ITGBL1: variants seen among roughly 807,000 people sequenced by gnomAD.
ITGBL1 encodes the protein integrin beta-like protein 1.
A neutral mutation model predicts 68.5 loss-of-function variants in ITGBL1; 51 were observed. That is an observed-to-expected ratio of 0.74 (90% CI 0.59 to 0.94). ITGBL1 has a LOEUF of 0.94. ITGBL1 is among the 40% of genes least tolerant of loss of function. ITGBL1 has a pLI of 0.00. For synonymous variants in ITGBL1, 209 were observed against 227.3 expected (o/e 0.92, Z 0.72); for missense variants, 649 against 647.4 (o/e 1.00, Z -0.03).
At chr13:101,521,815 T>G (rs988508875) in intron 2 of ITGBL1, among the ~76,000 whole-genome samples, 2 of 152,142 alleles carry the variant, frequency 1.3e-5, no homozygotes, top group Non-Finnish European at 2.9e-5. Context: ...TTCTTTCTTT[T>G]TCCTTACCTT....
intron 7 of ITGBL1, among the ~76,000 whole-genome samples, chr13:101,613,855 C>T (rs967389632): frequency 7.9e-5 from 12 of 152,168 alleles, no homozygotes; most frequent in African/African-American, 2.7e-4. Context: ...CACATGAAGA[C>T]TCACCACTCT....
chr13:101,531,603 AT>A (rs72456823), intron 2 of ITGBL1, among the ~76,000 whole-genome samples: 3 of 107,064 alleles, frequency 2.8e-5, no homozygotes, highest in South Asian at 3.7e-4. Context: ...TTCATAGCGT[AT>A]TTTTTGGGGG....
In ITGBL1 at chr13:101,595,960, G is replaced by A. The variant is rs2029938125; in HGVS notation, c.869-2193G>A. On this transcript the variant is annotated intron_variant, in intron 6 of 10. Transcript: ENST00000376180. The stretch of plus-strand genomic sequence containing the variant: ...CACAAGTGTCTGTTGTAAGATGAAT[G>A]GGTAAAGAAAATGTGAGATATATAT... 1.3e-5 allele frequency among the ~76,000 whole-genome samples: 2 copies of A among 151,986 alleles called. 1 individual carries two copies. The highest frequency in any genetic ancestry group is 4.1e-4 in the South Asian group (2 of 4,820).
At chr13:101,493,329 C>T in intron 2 of ITGBL1, among the ~76,000 whole-genome samples, 1 of 149,048 alleles carries the variant, frequency 6.7e-6, no homozygotes, top group African/African-American at 2.5e-5. Context: ...AAGAAGATAC[C>T]AACAATGTCA....
chr13:101,625,629 C>T (rs970272585), intron 7 of ITGBL1, among the ~76,000 whole-genome samples: 2 of 151,954 alleles, frequency 1.3e-5, no homozygotes, highest in African/African-American at 4.8e-5. Flanking sequence ...CTAGGCTCAC[C>T]GCAACCTCTG....
chr13:101,512,737 G>A (rs921378120), intron 2 of ITGBL1, among the ~76,000 whole-genome samples: 3 of 152,102 alleles, frequency 2.0e-5, no homozygotes, highest in Non-Finnish European at 4.4e-5. Context: ...GAGGTATGTG[G>A]ATTCTTATCT....
intron 7 of ITGBL1, among the ~76,000 whole-genome samples, chr13:101,611,697 A>G (rs917391522): frequency 6.8e-6 from 1 of 147,360 alleles, no homozygotes; most frequent in Non-Finnish European, 1.5e-5. Flanking sequence ...TGGCAGCAGA[A>G]CCCTTCTCGG....
At chr13:101,497,494 C>T (rs759945178) in intron 2 of ITGBL1, among the ~76,000 whole-genome samples, 1 of 152,198 alleles carries the variant, frequency 6.6e-6, no homozygotes, top group Non-Finnish European at 1.5e-5. Context: ...GTCAATTTTT[C>T]CTGTTTCGTT....
At chr13:101,564,590 T>C (rs1030546612) in intron 2 of ITGBL1, among the ~76,000 whole-genome samples, 30 of 145,312 alleles carry the variant, frequency 2.1e-4, no homozygotes, top group Middle Eastern at 3.9e-3. Context: ...ATATGTATCC[T>C]GGATATGCAT....
intron 7 of ITGBL1, among the ~76,000 whole-genome samples, chr13:101,647,652 C>G (rs2032605201): frequency 6.6e-6 from 1 of 151,906 alleles, no homozygotes; most frequent in African/African-American, 2.4e-5. Context: ...AGAAGTTCAG[C>G]AGATAACTTG....
At chr13:101,649,449 C>A (rs1053990134) in intron 7 of ITGBL1, among the ~76,000 whole-genome samples, 22 of 152,056 alleles carry the variant, frequency 1.4e-4, no homozygotes, top group Middle Eastern at 3.4e-3. Context: ...AAGAAGGGTT[C>A]CTAAATAAAT....
At chr13:101,656,289 G>A (rs2032922011) in intron 7 of ITGBL1, among the ~76,000 whole-genome samples, 1 of 152,250 alleles carries the variant, frequency 6.6e-6, no homozygotes, top group East Asian at 1.9e-4. Flanking sequence ...AATCTCTTCA[G>A]GATTGGGAGA....
intron 7 of ITGBL1, among the ~76,000 whole-genome samples, chr13:101,633,455 T>A (rs1215663204): frequency 6.6e-6 from 1 of 152,222 alleles, no homozygotes; most frequent in Non-Finnish European, 1.5e-5. Context: ...GGTGGCTTCA[T>A]GACTGTGCCC....
chr13:101,675,989 T>A (rs1042053482), intron 7 of ITGBL1, among the ~76,000 whole-genome samples: 2 of 152,210 alleles, frequency 1.3e-5, no homozygotes, highest in Non-Finnish European at 2.9e-5. Context: ...AATTCAGAAT[T>A]TCCACTTTAT....
chr13:101,695,078 T>C (rs2033972004), intron 8 of ITGBL1, among the ~76,000 whole-genome samples: 1 of 152,198 alleles, frequency 6.6e-6, no homozygotes, highest in Non-Finnish European at 1.5e-5. Flanking sequence ...AGCTGAGTGA[T>C]CTGAAAAGAG....
At chr13:101,492,893 C>G (rs979110579) in intron 2 of ITGBL1, among the ~76,000 whole-genome samples, 1 of 152,184 alleles carries the variant, frequency 6.6e-6, no homozygotes, top group South Asian at 2.1e-4. Context: ...CCTAAACTTC[C>G]TCACTCCCTT....
chr13:101,502,496 A>G (rs1316880516), intron 2 of ITGBL1, among the ~76,000 whole-genome samples: 3 of 152,176 alleles, frequency 2.0e-5, no homozygotes, highest in Non-Finnish European at 4.4e-5. Flanking sequence ...AAGATTCAGA[A>G]TGGTCTCTTA....
At chr13:101,711,750 G>T (rs1351834644) in intron 9 of ITGBL1, 4 of 152,174 alleles carry the variant, frequency 2.6e-5, no homozygotes, top group African/African-American at 9.7e-5. Context: ...AGAAAATGTG[G>T]CTGATTCCCC....
chr13:101,558,098 AAAAAAAAAAAAAAAAAAAG>A (rs1427225290), intron 2 of ITGBL1, among the ~76,000 whole-genome samples: 1 of 77,532 alleles, frequency 1.3e-5, no homozygotes, highest in Non-Finnish European at 3.0e-5. Context: ...AAAAAAAAAA[AAAAAAAAAAAAAAAAAAAG>A]CCTAACGAGA....
Sources: allele counts gnomAD v4.1 joint callset (sites outside exome capture counted in the v4.1 genomes callset), GRCh38; gene constraint gnomAD v4.1.1; transcripts MANE v1.5; gene names NCBI Gene and HGNC (gene_info 2026-07-23, HGNC 2026-07-21).